The following CSMD3 variants were observed in gnomAD, a reference collection of about 807,000 sequenced individuals.
CSMD3 encodes the protein CUB and sushi domain-containing protein 3.
CSMD3 carries 177 observed loss-of-function variants against 435.2 expected under a neutral mutation model. The observed-to-expected ratio is 0.41, with a 90% CI of 0.36 to 0.46. The LOEUF (loss-of-function observed/expected upper bound fraction) is 0.46. CSMD3 is among the 20% of genes least tolerant of loss of function. The pLI is 0.34. For missense variants in CSMD3, 4,265 were observed against 4,504.6 expected, an observed-to-expected ratio of 0.95 and a Z score of 1.52; for synonymous variants, 1,656 against 1,520.5, an observed-to-expected ratio of 1.09 and a Z score of -2.07.
intron 10 of CSMD3, among the ~76,000 whole-genome samples, chr8:112,912,382 T>C (rs1176198804): frequency 6.6e-6 from 1 of 151,734 alleles, no homozygotes; most frequent in African/African-American, 2.4e-5. Flanking sequence ...TTACTAACAG[T>C]ATATACAGAT....
In CSMD3 at chr8:112,827,405, A is replaced by G. The variant is rs561801337; in HGVS notation, c.1859+2281T>C. On this transcript the variant is annotated intron_variant, in intron 12 of 70. Coordinates refer to ENST00000297405, the MANE Select transcript of CSMD3 (RefSeq NM_198123.2). ...CATGAATGAAAGCTTCTTAAAAAGT[A>G]TTTTTTAGTCAATTGACTAGCCAGC... Among the ~76,000 whole-genome samples, 352 of 151,722 alleles carry G rather than the reference A, an allele frequency of 2.3e-3. 1 individual carries two copies. Among genetic ancestry groups the G allele is most frequent in the African/African-American group, 8.1e-3 (336 of 41,384 alleles).
intron 22 of CSMD3, among the ~76,000 whole-genome samples, chr8:112,628,815 G>A (rs1381461918): frequency 2.0e-5 from 3 of 152,158 alleles, no homozygotes; most frequent in Non-Finnish European, 4.4e-5. Flanking sequence ...AGGTCAAGGG[G>A]AGCTTACCAG....
chr8:112,439,669 A>G (rs1462602433), intron 32 of CSMD3, among the ~76,000 whole-genome samples: 2 of 152,238 alleles, frequency 1.3e-5, no homozygotes, highest in South Asian at 4.1e-4. Flanking sequence ...AGCCTCAGAA[A>G]ACTTACAATC....
chr8:112,445,871 C>A (rs1323757395), intron 32 of CSMD3, among the ~76,000 whole-genome samples: 1 of 151,886 alleles, frequency 6.6e-6, no homozygotes, highest in Non-Finnish European at 1.5e-5. Flanking sequence ...CTTCTGTATA[C>A]CACAAAAATG....
intron 3 of CSMD3, among the ~76,000 whole-genome samples, chr8:113,248,190 C>G (rs1312288782): frequency 6.6e-6 from 1 of 151,642 alleles, no homozygotes; most frequent in Admixed American, 6.6e-5. Context: ...ATAAATTGTT[C>G]TTCTGAACTG....
intron 32 of CSMD3, among the ~76,000 whole-genome samples, chr8:112,448,330 A>T (rs1815859807): frequency 6.6e-6 from 1 of 152,108 alleles, no homozygotes; most frequent in Non-Finnish European, 1.5e-5. Flanking sequence ...CCCCAGTTCC[A>T]TGGGGGATTA....
chr8:113,416,707 G>A (rs905030641), intron 1 of CSMD3, among the ~76,000 whole-genome samples: 2 of 152,108 alleles, frequency 1.3e-5, no homozygotes, highest in African/African-American at 2.4e-5. Flanking sequence ...GGCAAGTGAA[G>A]AATGTTCTAC....
chr8:112,788,253 T>G (rs1291987205), intron 13 of CSMD3, among the ~76,000 whole-genome samples: 1 of 152,112 alleles, frequency 6.6e-6, no homozygotes, highest in African/African-American at 2.4e-5. Flanking sequence ...ATTGGAGAAA[T>G]GGACATCTTT....
chr8:112,822,624 T>C (rs1256065544), intron 12 of CSMD3, among the ~76,000 whole-genome samples: 1 of 151,920 alleles, frequency 6.6e-6, no homozygotes, highest in Non-Finnish European at 1.5e-5. Flanking sequence ...TCTCTTTATT[T>C]ATTTCTCTTT....
At chr8:112,328,814 C>T (rs901085084) in intron 45 of CSMD3, among the ~76,000 whole-genome samples, 5 of 152,142 alleles carry the variant, frequency 3.3e-5, no homozygotes, top group Non-Finnish European at 5.9e-5. Flanking sequence ...TTAAAACGTG[C>T]CTGCTTCCCC....
At position 112,409,176 on chromosome 8, in the gene CSMD3, G is replaced by T. The variant is rs1407985339; in HGVS notation, c.5396-144C>A. The T allele has an allele frequency of 4.2e-6, 6 of 1,430,614 alleles. No individual in the cohort carries two copies. The African/African-American group carries it at 8.6e-5, about 21-fold the overall frequency. 88.6% of individuals were successfully genotyped at this position (1,430,614 alleles called of 1,614,324 possible). The stretch of plus-strand genomic sequence containing the variant: ...TTTTTTTTCTACCTAAAAGAGGATA[G>T]GTGCCAATTGGTTGATATTACTGAC... On this transcript the variant is annotated intron_variant, in intron 32 of 70. Transcript: ENST00000297405.
At chr8:112,248,843 G>T (rs1815002622) in intron 63 of CSMD3, among the ~76,000 whole-genome samples, 1 of 151,946 alleles carries the variant, frequency 6.6e-6, no homozygotes, top group African/African-American at 2.4e-5. Flanking sequence ...TGTCTTCCAT[G>T]AACCCTCACC....
intron 61 of CSMD3, among the ~76,000 whole-genome samples, chr8:112,257,070 G>T (rs1326306667): frequency 6.6e-6 from 1 of 152,122 alleles, no homozygotes; most frequent in Non-Finnish European, 1.5e-5. Context: ...CCTCCTTTTA[G>T]TAGCATTTAA....
intron 31 of CSMD3, among the ~76,000 whole-genome samples, chr8:112,475,498 AAC>A (rs757342799): frequency 1.3e-4 from 20 of 152,146 alleles, no homozygotes; most frequent in Non-Finnish European, 2.5e-4. Flanking sequence ...TATAGTCAAT[AAC>A]ACAGAATATT....
chr8:113,010,593 G>C (rs2086222134), intron 6 of CSMD3, among the ~76,000 whole-genome samples: 1 of 151,652 alleles, frequency 6.6e-6, no homozygotes, highest in African/African-American at 2.4e-5. Context: ...TTTAAAGATA[G>C]TAATTGAAAT....
At chr8:112,568,677 G>A (rs1016896776) in intron 24 of CSMD3, among the ~76,000 whole-genome samples, 1 of 152,068 alleles carries the variant, frequency 6.6e-6, no homozygotes. Flanking sequence ...TTATTTGTTG[G>A]TGGAAGAAGG....
intron 22 of CSMD3, among the ~76,000 whole-genome samples, chr8:112,588,359 C>T (rs1830903939): frequency 6.6e-6 from 1 of 151,228 alleles, no homozygotes; most frequent in African/African-American, 2.4e-5. Flanking sequence ...CAAAAAGAAG[C>T]ACTCAGTATA....
intron 40 of CSMD3, among the ~76,000 whole-genome samples, chr8:112,349,381 C>T (rs1447478523): frequency 2.0e-5 from 3 of 151,902 alleles, no homozygotes; most frequent in African/African-American, 4.8e-5. Flanking sequence ...TATATAGTAT[C>T]CCAAGCCTTT....
Position 112,594,951 on chromosome 8 carries a change from A to C in CSMD3, c.3716-7716T>G, listed in dbSNP as rs547230525. ...AGAAAAACTGGAAACTCTAAAACGC[A>C]GAGCGCCTCTCCTCCTCCAAAGGAA... is the stretch of plus-strand genomic sequence containing the variant. On this transcript the variant is annotated intron_variant, in intron 22 of 70. Transcript: ENST00000297405. Among the ~76,000 whole-genome samples the C allele has an allele frequency of 1.9e-3, 283 of 152,210 alleles. 2 individuals carry two copies. Among genetic ancestry groups the C allele is most frequent in the African/African-American group, 6.4e-3 (265 of 41,518 alleles).
Sources: allele counts gnomAD v4.1 joint callset (sites outside exome capture counted in the v4.1 genomes callset), GRCh38; gene constraint gnomAD v4.1.1; transcripts MANE v1.5; gene names NCBI Gene and HGNC (gene_info 2026-07-23, HGNC 2026-07-21).